Variants in SYT6 observed in about 807,000 individuals in gnomAD.
The protein encoded by SYT6 is synaptotagmin 6, also known as synaptotagmin-6.
SYT6 carries 24 observed loss-of-function variants against 38.4 expected under a neutral mutation model. The ratio of observed to expected loss-of-function variants is 0.62; its 90% CI spans 0.45 to 0.88. The LOEUF is 0.88. Among genes scored for constraint, SYT6 ranks in the 40% least tolerant of loss-of-function variants. The pLI is 0.00. For synonymous variants in SYT6, 265 were observed against 241.9 expected (o/e 1.10, Z -0.89); for missense variants, 611 against 621.0 (o/e 0.98, Z 0.17).
chr1:114,116,045 C>A (rs1676974182), intron 3 of SYT6, among the ~76,000 whole-genome samples: 1 of 122,316 alleles, frequency 8.2e-6, no homozygotes, highest in South Asian at 2.4e-4. Context: ...AGAGAAAGCT[C>A]TGAGACTTAG....
intron 1 of SYT6, among the ~76,000 whole-genome samples, chr1:114,145,502 G>GTTTTTTTTTTTTTTTTTTTTT (rs752982644): frequency 1.8e-5 from 2 of 111,628 alleles, no homozygotes; most frequent in African/African-American, 3.7e-5. Context: ...GAGGTATTAA[G>GTTTTTTTTTTTTTTTTTTTTT]TTTTTTTTTT....
Position 114,153,618 on chromosome 1 carries a change from G to A in SYT6, c.155C>T (p.Ala52Val), listed in dbSNP as rs865992197. The A allele has an allele frequency of 1.0e-5, 6 of 600,322 alleles. No homozygotes were observed. The highest frequency in any genetic ancestry group is 9.9e-5 in the African/African-American group (5 of 50,398). 37.2% of individuals were successfully genotyped at this position (600,322 alleles called of 1,614,324 possible). A position where few individuals can be genotyped will look rare whatever the true frequency, so the allele number is the denominator to read the frequency against. The change falls in exon 1 of 8, where the codon GCA becomes GTA. Residue 52 changes from alanine to valine, a missense_variant. By Grantham distance (64) the Ala-to-Val change is moderately conservative. Transcript: ENST00000610222. ...LQPPERSPSA[A>V]GAGTSVSLLA... ...CCTGGGTCTCCCGTTACCTGCGCCT[G>A]CCGCGCTGGGACTCCGCTCTGGGGG... is the stretch of plus-strand genomic sequence containing the variant.
chr1:114,108,750 T>C (rs1464128007), intron 3 of SYT6, among the ~76,000 whole-genome samples: 1 of 152,242 alleles, frequency 6.6e-6, no homozygotes, highest in Non-Finnish European at 1.5e-5. Flanking sequence ...GCCAGTCATG[T>C]TTCCTCCTGA....
At position 114,153,529 on chromosome 1, in the gene SYT6, G is replaced by A. The variant is rs553987356; in HGVS notation, c.163+81C>T. On this transcript the variant is annotated intron_variant, in intron 1 of 7. Coordinates refer to ENST00000610222, the MANE Select transcript of SYT6 (RefSeq NM_001253772.2). ...TGGGGAGTTCTCTCTAGGTTCTGGG[G>A]CTCCTGGGACCGGGGCTTTGGGGAA... 9 of 564,856 alleles carry A rather than the reference G, an allele frequency of 1.6e-5. No homozygotes were observed. In the Admixed American group the frequency reaches 1.8e-4, roughly 12 times the overall value. 35.0% of individuals were successfully genotyped at this position (564,856 alleles called of 1,614,324 possible).
intron 3 of SYT6, among the ~76,000 whole-genome samples, chr1:114,106,702 C>G (rs1211219922): frequency 1.3e-5 from 2 of 152,102 alleles, no homozygotes; most frequent in Admixed American, 6.6e-5. Context: ...ATACCTACAT[C>G]ATGCCCCCAC....
At chr1:114,093,449 T>C (rs1318484482) in intron 7 of SYT6, among the ~76,000 whole-genome samples, 1 of 152,218 alleles carries the variant, frequency 6.6e-6, no homozygotes, top group Admixed American at 6.5e-5. Flanking sequence ...ACCACCATTA[T>C]GTGACCTAGA....
chr1:114,093,695 T>C, intron 7 of SYT6, 40 bp downstream of exon 7: 1 of 1,588,078 alleles, frequency 6.3e-7, no homozygotes, highest in Non-Finnish European at 8.6e-7. Flanking sequence ...CAAAAGGTAA[T>C]AAGCAACCTA....
At chr1:114,140,010 G>C in intron 1 of SYT6, 47 bp from the exon 2 acceptor site, 1 of 1,165,652 alleles carries the variant, frequency 8.6e-7, no homozygotes, top group East Asian at 2.5e-5. Context: ...AGACAGAGGC[G>C]GGGAGAAGCG....
intron 3 of SYT6, among the ~76,000 whole-genome samples, chr1:114,120,607 C>A (rs1445109755): frequency 6.6e-6 from 1 of 152,204 alleles, no homozygotes; most frequent in Non-Finnish European, 1.5e-5. Flanking sequence ...GTTTTTATTA[C>A]TTGCTGTGCA....
intron 3 of SYT6, among the ~76,000 whole-genome samples, chr1:114,132,184 T>A (rs1378150478): frequency 6.6e-6 from 1 of 152,144 alleles, no homozygotes; most frequent in East Asian, 1.9e-4. Context: ...CAATAAGTAA[T>A]GACCAGCGCA....
chr1:114,106,737 C>T (rs1222044530), intron 3 of SYT6, among the ~76,000 whole-genome samples: 1 of 152,094 alleles, frequency 6.6e-6, no homozygotes, highest in South Asian at 2.1e-4. Context: ...GACCCTTGCC[C>T]AGGGTCCAGC....
At chr1:114,122,781 C>T (rs750319588) in intron 3 of SYT6, among the ~76,000 whole-genome samples, 1 of 152,180 alleles carries the variant, frequency 6.6e-6, no homozygotes, top group Non-Finnish European at 1.5e-5. Context: ...GTTGGAGTTA[C>T]AAAGGCCTTC....
At chr1:114,134,015 C>T (rs1382631702) in intron 3 of SYT6, among the ~76,000 whole-genome samples, 1 of 152,336 alleles carries the variant, frequency 6.6e-6, no homozygotes, top group South Asian at 2.1e-4. Flanking sequence ...TGCCACCTGC[C>T]AGGGCCGAAT....
rs556173228 is a variant in SYT6 at position 114,118,659 on chromosome 1, G to A, written c.1072-14938C>T. 2.0e-5 allele frequency among the ~76,000 whole-genome samples: 3 copies of A among 152,290 alleles called. No homozygotes were observed. The East Asian group carries it at 5.8e-4, about 29-fold the overall frequency. On this transcript the variant is annotated intron_variant, in intron 3 of 7. Coordinates refer to ENST00000610222, the MANE Select transcript of SYT6 (RefSeq NM_001253772.2). ...CAGAGGGGCCTGCTGCTCCCCGGCT[G>A]TCCCCGCGGCTCAGGTTCCTTCTCC...
At chr1:114,098,924 G>C (rs547538827) in intron 5 of SYT6, among the ~76,000 whole-genome samples, 170 bp downstream of exon 5, 8 of 152,210 alleles carry the variant, frequency 5.3e-5, no homozygotes, top group Non-Finnish European at 8.8e-5. Context: ...TGCTAAGGGA[G>C]AATCTATGCT....
In SYT6 at chr1:114,153,596, G is replaced by A; in HGVS notation, c.163+14C>T. 1.7e-6 allele frequency: 1 copy of A among 589,908 alleles called. No homozygotes were observed. The highest frequency in any genetic ancestry group is 2.1e-5 in the South Asian group (1 of 48,298). The allele number at this position is 589,908 out of a possible 1,614,324, so 36.5% of individuals were successfully genotyped here. A position where few individuals can be genotyped will look rare whatever the true frequency, so the allele number is the denominator to read the frequency against. On this transcript the variant is annotated intron_variant, in intron 1 of 7. Transcript: ENST00000610222. ...GATATCCAGGAAGGGAGGGGGCCCT[G>A]GGTCTCCCGTTACCTGCGCCTGCCG...
chr1:114,125,111 G>C (rs57538255), intron 3 of SYT6, among the ~76,000 whole-genome samples: 4,268 of 152,312 alleles, frequency 0.028, 234 homozygotes, highest in African/African-American at 0.099. Context: ...AAGTGCATCA[G>C]ACACAGGTTT....
At chr1:114,115,954 T>C (rs1040547183) in intron 3 of SYT6, among the ~76,000 whole-genome samples, 2 of 152,040 alleles carry the variant, frequency 1.3e-5, no homozygotes, top group African/African-American at 4.8e-5. Context: ...CTGTCCCTGG[T>C]TATTGAGGGT....
Position 114,122,483 on chromosome 1 carries a change from G to T in SYT6, c.1071+15012C>A, listed in dbSNP as rs528688105. Reference sequence around the variant, plus strand: ...TGTGATGGACACAGCATGTACATTTGTGTGTGTGTGTGTGTGTGTGTGTGC... The same window carrying T: ...TGTGATGGACACAGCATGTACATTTTTGTGTGTGTGTGTGTGTGTGTGTGC... On this transcript the variant is annotated intron_variant, in intron 3 of 7. Coordinates refer to ENST00000610222, the MANE Select transcript of SYT6 (RefSeq NM_001253772.2). 7.8e-4 allele frequency among the ~76,000 whole-genome samples: 74 copies of T among 94,540 alleles called. 1 individual carries two copies. Among genetic ancestry groups the T allele is most frequent in the East Asian group, 9.0e-4 (3 of 3,330 alleles). 62.0% of individuals were successfully genotyped at this position (94,540 alleles called of 152,430 possible).
Sources: gnomAD v4.1 joint callset for allele counts (sites outside exome capture counted in the v4.1 genomes callset) on GRCh38, gnomAD v4.1.1 for gene constraint, MANE v1.5 for transcripts, NCBI Gene and HGNC (gene_info 2026-07-23, HGNC 2026-07-21) for gene names.